Variants in SLC35E1 observed in about 807,000 individuals in gnomAD.
SLC35E1 encodes solute carrier family 35, member E1.
A neutral mutation model predicts 31.0 loss-of-function variants in SLC35E1; 12 were observed. The ratio of observed to expected loss-of-function variants is 0.39; its 90% CI spans 0.25 to 0.63. The LOEUF (loss-of-function observed/expected upper bound fraction) is 0.63, where lower values mean the gene tolerates loss of function less well. SLC35E1 is among the 20% of genes least tolerant of loss of function. SLC35E1 has a pLI of 0.52. For synonymous variants in SLC35E1, 257 were observed against 264.1 expected (o/e 0.97, Z 0.26); for missense variants, 429 against 572.2 (o/e 0.75, Z 2.55).
In SLC35E1 at chr19:16,552,761, T is replaced by C. The variant is rs532833492; in HGVS notation, c.*918A>G. 14 of 152,090 alleles carry C rather than the reference T, an allele frequency of 9.2e-5. No individual in the cohort carries two copies. Among genetic ancestry groups the C allele is most frequent in the African/African-American group, 3.4e-4 (14 of 41,462 alleles). 9.4% of individuals were successfully genotyped at this position (152,090 alleles called of 1,614,324 possible). ...AACTACAAAATATTCCCTAGAAAAATGCAAGATCCTCCGAAAATCAAGATC... is the reference window on the plus strand; with the variant it reads ...AACTACAAAATATTCCCTAGAAAAACGCAAGATCCTCCGAAAATCAAGATC... On this transcript the variant is annotated 3_prime_UTR_variant, in exon 6 of 6. Coordinates refer to ENST00000595753, the MANE Select transcript of SLC35E1 (RefSeq NM_024881.5).
chr19:16,555,210 G>A lies in SLC35E1; in HGVS notation c.944C>T (p.Thr315Ile), dbSNP rs2085869477. The A allele has an allele frequency of 6.2e-7, 1 of 1,614,070 alleles. No homozygotes were observed. Among genetic ancestry groups the A allele is most frequent in the Non-Finnish European group, 8.5e-7 (1 of 1,180,040 alleles). Residue 315 changes from threonine (T) to isoleucine (I), a missense_variant, in exon 5 of 6, where the codon ACC becomes ATC. Thr to Ile is a moderately conservative substitution (Grantham distance 89, BLOSUM62 -1). Coordinates refer to ENST00000595753, the MANE Select transcript of SLC35E1 (RefSeq NM_024881.5). This position sits in a 1 kb window ranked among gnomAD's most constrained non-coding sequence, Gnocchi z 4.1. ...CATCATGCCCAGGACGTTGGTGCTG[G>A]TGACTGGGTTGCGCAGCATGATCAG... The part of the protein sequence containing the change: ...VSLIMLRNPV[T>I]STNVLGMMTA...
intron 2 of SLC35E1, among the ~76,000 whole-genome samples, chr19:16,568,380 A>T (rs1331319091): frequency 6.6e-6 from 1 of 152,158 alleles, no homozygotes; most frequent in Non-Finnish European, 1.5e-5. Flanking sequence ...ATTTGTGGGT[A>T]GCCCCATCCC....
At chr19:16,554,123 G>A (rs1053057235) in intron 5 of SLC35E1, among the ~76,000 whole-genome samples, 5 of 151,918 alleles carry the variant, frequency 3.3e-5, no homozygotes, top group South Asian at 2.1e-4. Context: ...AAAATTAACC[G>A]GGTGTGGTGG....
At position 16,572,180 on chromosome 19, in the gene SLC35E1, G is replaced by C; in HGVS notation, c.185C>G (p.Ser62Trp). The C allele has an allele frequency of 6.5e-7, 1 of 1,531,952 alleles. No individual in the cohort carries two copies. Among genetic ancestry groups the C allele is most frequent in the Non-Finnish European group, 8.8e-7 (1 of 1,138,680 alleles). 94.9% of individuals were successfully genotyped at this position (1,531,952 alleles called of 1,614,324 possible). Residue 62 changes from serine (S) to tryptophan (W), a missense_variant, in exon 1 of 6, where the codon TCG (serine) becomes TGG (tryptophan). Transcript: ENST00000595753. The surrounding 1 kb of genome is among the most constrained non-coding windows in gnomAD (Gnocchi z 4.1). The part of the protein sequence containing the change: ...LSAFPFPVTV[S>W]LCHILALCAG... ...GCACAGAGCCAGGATGTGGCACAGC[G>C]ACACGGTCACCGGGAACGGGAAGGC...
rs1178907900 is a variant in SLC35E1 at position 16,572,060 on chromosome 19, A to T, written c.305T>A (p.Leu102Gln). 7 of 1,539,262 alleles carry T rather than the reference A, an allele frequency of 4.5e-6. No individual in the cohort carries two copies. The highest frequency in any genetic ancestry group is 6.1e-6 in the Non-Finnish European group (7 of 1,142,684). The stretch of plus-strand genomic sequence containing the variant: ...GCGCGGGTAGAAGCGCGGCGGCAGC[A>T]GCGGGCCGGACGACGGATGCGGACT... ...GPSPHPSSGP[L>Q]LPPRFYPRYV... Residue 102 changes from leucine (L) to glutamine (Q), a missense_variant, in exon 1 of 6, where the codon CTG becomes CAG. Physicochemically the swap from Leu to Gln is moderately radical, Grantham distance 113. Transcript: ENST00000595753. This position sits in a 1 kb window ranked among gnomAD's most constrained non-coding sequence, Gnocchi z 4.1.
intron 2 of SLC35E1, among the ~76,000 whole-genome samples, 185 bp from the exon 3 acceptor site, chr19:16,568,354 G>A (rs1281417736): frequency 2.6e-5 from 4 of 152,168 alleles, no homozygotes; most frequent in African/African-American, 4.8e-5. Flanking sequence ...TTATCAGAGC[G>A]CCAGGGGCAG....
At chr19:16,566,472 A>G in intron 4 of SLC35E1, 60 bp downstream of exon 4, 1 of 1,605,064 alleles carries the variant, frequency 6.2e-7, no homozygotes. Flanking sequence ...GCTCCTCAAC[A>G]AAGCACCTAT....
rs914483074 is a variant in SLC35E1, at chr19:16,552,293, T to G, written c.*1386A>C. 6.6e-6 allele frequency: 1 copy of G among 152,074 alleles called. No individual in the cohort carries two copies. Among genetic ancestry groups the G allele is most frequent in the African/African-American group, 2.4e-5 (1 of 41,414 alleles). The allele number at this position is 152,074 out of a possible 1,614,324, so 9.4% of individuals were successfully genotyped here. ...AGCTTCGAAACACTTCATTTCCTACTAAATACCAAAACGTGTCAGACAGGC... is the reference window on the plus strand; with the variant it reads ...AGCTTCGAAACACTTCATTTCCTACGAAATACCAAAACGTGTCAGACAGGC... On this transcript the variant is annotated 3_prime_UTR_variant, in exon 6 of 6. Coordinates refer to ENST00000595753, the MANE Select transcript of SLC35E1 (RefSeq NM_024881.5).
intron 4 of SLC35E1, chr19:16,557,270 T>G (rs1457305741): frequency 4.3e-6 from 1 of 232,484 alleles, no homozygotes; most frequent in Admixed American, 5.1e-5. Flanking sequence ...CTCTGCTCAC[T>G]GCAAGCTCCG....
At chr19:16,554,341 G>C (rs1182224848) in intron 5 of SLC35E1, among the ~76,000 whole-genome samples, 2 of 150,934 alleles carry the variant, frequency 1.3e-5, no homozygotes, top group African/African-American at 4.9e-5. Flanking sequence ...AGCAAGGAAA[G>C]CAGACTTGAA....
intron 4 of SLC35E1, 140 bp downstream of exon 4, chr19:16,566,392 G>C: frequency 8.8e-7 from 1 of 1,133,800 alleles, no homozygotes; most frequent in Non-Finnish European, 1.2e-6. Flanking sequence ...AGGCATTACA[G>C]AGGACTGACT....
At chr19:16,563,509 ACTT>A (rs917596622) in intron 4 of SLC35E1, among the ~76,000 whole-genome samples, 15 of 152,178 alleles carry the variant, frequency 9.9e-5, no homozygotes, top group Admixed American at 2.0e-4. Context: ...TCATGACCAG[ACTT>A]CTTCTTTTTT....
chr19:16,555,726 AG>A lies in SLC35E1; in HGVS notation c.757-330del. Reference sequence around the variant, plus strand: ...CAGCCAGGAACCCTGGGTTTGGCAAAGCAGGGATCTGCTTGTTGGACGCAAT... The same window carrying A: ...CAGCCAGGAACCCTGGGTTTGGCAAACAGGGATCTGCTTGTTGGACGCAAT... On this transcript the variant is annotated intron_variant, in intron 4 of 5. Coordinates refer to ENST00000595753, the MANE Select transcript of SLC35E1 (RefSeq NM_024881.5). The surrounding 1 kb of genome is among the most constrained non-coding windows in gnomAD (Gnocchi z 4.1). 3 of 330,112 alleles carry A rather than the reference AG, an allele frequency of 9.1e-6. No individual in the cohort carries two copies. The South Asian group carries it at 1.1e-4, about 12-fold the overall frequency. 20.4% of individuals were successfully genotyped at this position (330,112 alleles called of 1,614,324 possible).
chr19:16,554,016 G>GTGCTGGGATTA, intron 5 of SLC35E1, 107 bp from the exon 6 acceptor site: 2 of 980,872 alleles, frequency 2.0e-6, no homozygotes, highest in Non-Finnish European at 2.9e-6. Context: ...TGTAATCCCA[G>GTGCTGGGATTA]CACTTTGGGA....
intron 4 of SLC35E1, among the ~76,000 whole-genome samples, chr19:16,562,962 C>T (rs1377704101): frequency 1.3e-5 from 2 of 152,202 alleles, no homozygotes; most frequent in Non-Finnish European, 2.9e-5. Context: ...AGTCTGCCTG[C>T]CTCTGCCTTC....
intron 5 of SLC35E1, 22 bp from the exon 6 acceptor site, chr19:16,553,931 G>A (rs1460980004): frequency 1.3e-6 from 2 of 1,568,382 alleles, no homozygotes; most frequent in East Asian, 4.6e-5. Context: ...AGAGAGCAAT[G>A]AGACAGGACA....
chr19:16,566,353 C>T, intron 4 of SLC35E1, 179 bp downstream of exon 4: 1 of 781,068 alleles, frequency 1.3e-6, no homozygotes, highest in South Asian at 1.9e-5. Context: ...AGGAAACCCA[C>T]TTCCTCGATG....
chr19:16,566,429 C>A, intron 4 of SLC35E1, 103 bp downstream of exon 4: 1 of 1,527,544 alleles, frequency 6.5e-7, no homozygotes, highest in East Asian at 2.3e-5. Context: ...GTCAGGTGCC[C>A]AAAAGATACC....
intron 4 of SLC35E1, chr19:16,565,247 G>A (rs1024259772): frequency 9.9e-6 from 4 of 404,042 alleles, no homozygotes; most frequent in Admixed American, 3.1e-5. Context: ...CTTCACACTT[G>A]TTGCCCAGGC....
Sources: allele counts gnomAD v4.1 joint callset (sites outside exome capture counted in the v4.1 genomes callset), GRCh38; gene constraint gnomAD v4.1.1; non-coding constraint Gnocchi (gnomAD v3.1); transcripts MANE v1.5; gene names NCBI Gene and HGNC (gene_info 2026-07-23, HGNC 2026-07-21).